The following PTPRG variants were observed in gnomAD, a reference collection of about 807,000 sequenced individuals.
PTPRG encodes receptor-type tyrosine-protein phosphatase gamma.
Under a neutral mutation model 165.3 loss-of-function variants are expected in PTPRG, and 102 were observed. The observed-to-expected ratio is 0.62, with a 90% CI of 0.53 to 0.73. The LOEUF (loss-of-function observed/expected upper bound fraction) is 0.73, where lower values mean the gene tolerates loss of function less well. Ranked by LOEUF, PTPRG falls within the 30% of genes least tolerant of loss-of-function variation. PTPRG has a pLI of 0.00. For synonymous variants in PTPRG, 675 were observed against 669.5 expected (o/e 1.01, Z -0.13); for missense variants, 1,866 against 1,861.4 (o/e 1.00, Z -0.05).
At chr3:61,952,235 T>G (rs1559709769) in intron 2 of PTPRG, among the ~76,000 whole-genome samples, 1 of 152,020 alleles carries the variant, frequency 6.6e-6, no homozygotes, top group Non-Finnish European at 1.5e-5. Context: ...CACTGACTGT[T>G]AGGACCACTT....
At chr3:61,890,895 T>C (rs1029853698) in intron 2 of PTPRG, among the ~76,000 whole-genome samples, 19 of 152,362 alleles carry the variant, frequency 1.2e-4, no homozygotes, top group African/African-American at 4.6e-4. Flanking sequence ...TATGAAAAGA[T>C]AGCTCTTTGT....
intron 8 of PTPRG, among the ~76,000 whole-genome samples, chr3:62,173,385 G>T (rs1213331980): frequency 6.6e-6 from 1 of 152,128 alleles, no homozygotes; most frequent in Non-Finnish European, 1.5e-5. Flanking sequence ...ATGTAAATGA[G>T]CATAGAAAAT....
At chr3:61,899,143 A>T (rs1223627842) in intron 2 of PTPRG, among the ~76,000 whole-genome samples, 6 of 152,062 alleles carry the variant, frequency 3.9e-5, no homozygotes, top group Non-Finnish European at 7.4e-5. Context: ...AAGTTTTTTA[A>T]ATTTGTGAAA....
intron 9 of PTPRG, among the ~76,000 whole-genome samples, chr3:62,192,934 A>G (rs1265734974): frequency 2.0e-5 from 3 of 152,196 alleles, no homozygotes; most frequent in Non-Finnish European, 4.4e-5. Context: ...GTTATAGAAT[A>G]ATACTTTTCA....
chr3:62,120,271 G>A (rs952173075), intron 5 of PTPRG, among the ~76,000 whole-genome samples: 6 of 125,994 alleles, frequency 4.8e-5, no homozygotes, highest in Non-Finnish European at 1.1e-4. Context: ...TCCAGGATAC[G>A]GTTAGACCAG....
intron 5 of PTPRG, among the ~76,000 whole-genome samples, chr3:62,100,726 A>C (rs1702260982): frequency 6.6e-6 from 1 of 152,264 alleles, no homozygotes; most frequent in Non-Finnish European, 1.5e-5. Flanking sequence ...TGGAATAAAT[A>C]CTAGTAAAGA....
Position 62,195,289 on chromosome 3 carries a change from T to C in PTPRG, c.1327+119T>C. 8.6e-6 allele frequency: 8 copies of C among 930,212 alleles called. No homozygotes were observed. The highest frequency in any genetic ancestry group is 1.3e-5 in the Non-Finnish European group (8 of 598,024). 57.6% of individuals were successfully genotyped at this position (930,212 alleles called of 1,614,324 possible). ...CAAACAAGCCTGGCAGAAGAATCAG[T>C]GTAGGGTTTTAAAGCCTATGCGGGA... On this transcript the variant is annotated intron_variant, in intron 10 of 29. Transcript: ENST00000474889. This position sits in a 1 kb window ranked among gnomAD's most constrained non-coding sequence, Gnocchi z 4.4.
At chr3:62,277,463 C>T in intron 25 of PTPRG, 88 bp from the exon 26 acceptor site, 2 of 1,422,178 alleles carry the variant, frequency 1.4e-6, no homozygotes, top group Non-Finnish European at 9.7e-7. Context: ...CAAAACAGTG[C>T]TATCTTATTT....
intron 4 of PTPRG, among the ~76,000 whole-genome samples, chr3:62,045,669 G>C (rs1222774567): frequency 1.3e-5 from 2 of 151,774 alleles, no homozygotes; most frequent in South Asian, 4.2e-4. Context: ...AATGGTAACA[G>C]TCACCAGTGC....
At chr3:61,754,503 T>C (rs1044847467) in intron 2 of PTPRG, among the ~76,000 whole-genome samples, 4 of 152,210 alleles carry the variant, frequency 2.6e-5, no homozygotes, top group Admixed American at 6.5e-5. Context: ...CAAGGATTAT[T>C]GCTTATAATT....
At chr3:61,870,495 T>A (rs1200921272) in intron 2 of PTPRG, among the ~76,000 whole-genome samples, 1 of 125,694 alleles carries the variant, frequency 8.0e-6, no homozygotes, top group Non-Finnish European at 1.7e-5. Context: ...TTTTTTTTTT[T>A]TTTTTTTGTA....
intron 1 of PTPRG, among the ~76,000 whole-genome samples, chr3:61,672,492 C>T (rs922903557): frequency 6.8e-6 from 1 of 147,652 alleles, no homozygotes; most frequent in African/African-American, 2.5e-5. Flanking sequence ...CCGAGGCTGG[C>T]GGATCACTCG....
At chr3:61,978,593 C>T (rs1575844232) in intron 2 of PTPRG, among the ~76,000 whole-genome samples, 1 of 152,114 alleles carries the variant, frequency 6.6e-6, no homozygotes. Flanking sequence ...TTCTTGTAAA[C>T]ATATGTATTA....
chr3:62,214,227 G>C lies in PTPRG; in HGVS notation c.2156-4624G>C, dbSNP rs1700439348. On this transcript the variant is annotated intron_variant, in intron 12 of 29. Transcript: ENST00000474889. The surrounding 1 kb of genome is among the most constrained non-coding windows in gnomAD (Gnocchi z 5.2). Reference sequence around the variant, plus strand: ...CAGATTCAGCAAACACCCGGTGAGTGCTCACCATCTCCTGCTGCTGTGTGA... The same window carrying C: ...CAGATTCAGCAAACACCCGGTGAGTCCTCACCATCTCCTGCTGCTGTGTGA... Among the ~76,000 whole-genome samples, 2 of 152,200 alleles carry C rather than the reference G, an allele frequency of 1.3e-5. No individual in the cohort carries two copies. Among genetic ancestry groups the C allele is most frequent in the South Asian group, 4.1e-4 (2 of 4,830 alleles).
At chr3:61,627,884 G>T (rs1401155872) in intron 1 of PTPRG, among the ~76,000 whole-genome samples, 1 of 152,136 alleles carries the variant, frequency 6.6e-6, no homozygotes, top group Non-Finnish European at 1.5e-5. Flanking sequence ...AATGAGGTGT[G>T]GTTTAATGTT....
intron 4 of PTPRG, among the ~76,000 whole-genome samples, chr3:62,058,835 C>T: frequency 6.6e-6 from 1 of 152,204 alleles, no homozygotes; most frequent in Non-Finnish European, 1.5e-5. Flanking sequence ...GATCTGAACC[C>T]ACTGAAGTTG....
chr3:61,989,592 C>G (rs773894184), intron 2 of PTPRG, 33 bp from the exon 3 acceptor site: 1 of 1,599,158 alleles, frequency 6.3e-7, no homozygotes, highest in African/African-American at 1.3e-5. Context: ...ACCCTTGAAC[C>G]ATGAGGATTG....
chr3:61,802,347 T>G (rs937925232), intron 2 of PTPRG, among the ~76,000 whole-genome samples: 1 of 151,934 alleles, frequency 6.6e-6, no homozygotes, highest in African/African-American at 2.4e-5. Flanking sequence ...AAAATAGAGC[T>G]TGAGAAGCTG....
At chr3:61,641,396 T>C (rs542147109) in intron 1 of PTPRG, among the ~76,000 whole-genome samples, 1 of 152,366 alleles carries the variant, frequency 6.6e-6, no homozygotes, top group Admixed American at 6.5e-5. Context: ...GGTTATCCTG[T>C]GGACTGCAGG....
Sources: gnomAD v4.1 joint callset for allele counts (sites outside exome capture counted in the v4.1 genomes callset) on GRCh38, gnomAD v4.1.1 for gene constraint, Gnocchi (gnomAD v3.1) non-coding constraint, MANE v1.5 for transcripts, NCBI Gene and HGNC (gene_info 2026-07-23, HGNC 2026-07-21) for gene names.